VAV3: variants seen among roughly 807,000 people sequenced by gnomAD.
VAV3 encodes the protein vav guanine nucleotide exchange factor 3, also known as guanine nucleotide exchange factor VAV3.
Under a neutral mutation model 131.2 loss-of-function variants are expected in VAV3, and 94 were observed. That is an observed-to-expected ratio of 0.72 (90% CI 0.61 to 0.85). The LOEUF is 0.85. Among genes scored for constraint, VAV3 ranks in the 40% least tolerant of loss-of-function variants. The probability of loss-of-function intolerance (pLI) is 0.00; values close to 1 mark genes in which losing one functional copy is unlikely to be tolerated. For synonymous variants in VAV3, 349 were observed against 342.0 expected, an observed-to-expected ratio of 1.02 and a Z score of -0.22; for missense variants, 939 against 1,002.7, an observed-to-expected ratio of 0.94 and a Z score of 0.86.
chr1:107,744,074 C>T (rs1274395047), intron 15 of VAV3, among the ~76,000 whole-genome samples: 4 of 152,180 alleles, frequency 2.6e-5, no homozygotes, highest in Non-Finnish European at 5.9e-5. Flanking sequence ...TCTCAGGGCT[C>T]ATTCTGGGAA....
At chr1:107,597,974 C>G (rs1240494584) in intron 24 of VAV3, among the ~76,000 whole-genome samples, 1 of 152,154 alleles carries the variant, frequency 6.6e-6, no homozygotes, top group Admixed American at 6.5e-5. Flanking sequence ...TGAACTTAGG[C>G]AAAGTCACAT....
intron 19 of VAV3, among the ~76,000 whole-genome samples, chr1:107,664,431 A>G (rs1355168765): frequency 6.6e-6 from 1 of 151,964 alleles, no homozygotes; most frequent in South Asian, 2.1e-4. Flanking sequence ...GTTCCTACTT[A>G]TAAGTGAGAA....
intron 11 of VAV3, among the ~76,000 whole-genome samples, 190 bp from the exon 12 acceptor site, chr1:107,755,703 CAGCTGGGAAGACTGAAG>C (rs1429125379): frequency 9.9e-5 from 15 of 152,084 alleles, no homozygotes; most frequent in African/African-American, 3.4e-4. Context: ...GTCTGAAGTA[CAGCTGGGAAGACTGAAG>C]AGCTGTCATT....
intron 12 of VAV3, among the ~76,000 whole-genome samples, chr1:107,753,493 T>C (rs866398333): frequency 1.8e-5 from 2 of 111,610 alleles, no homozygotes; most frequent in Admixed American, 9.3e-5. Context: ...TGTATATATA[T>C]ACACACATAT....
At chr1:107,960,080 T>C (rs1194666357) in intron 1 of VAV3, among the ~76,000 whole-genome samples, 14 of 152,226 alleles carry the variant, frequency 9.2e-5, no homozygotes, top group Admixed American at 9.2e-4. Context: ...AAAGCCGCCA[T>C]CATCTCTTGC....
intron 15 of VAV3, among the ~76,000 whole-genome samples, chr1:107,727,075 G>C (rs1661889205): frequency 6.6e-6 from 1 of 152,202 alleles, no homozygotes; most frequent in Non-Finnish European, 1.5e-5. Context: ...CATTATTTTT[G>C]TATCACAATT....
At chr1:107,700,964 T>C (rs1309574630) in intron 17 of VAV3, among the ~76,000 whole-genome samples, 1 of 152,206 alleles carries the variant, frequency 6.6e-6, no homozygotes, top group African/African-American at 2.4e-5. Context: ...CAGCATCTAT[T>C]GTTTCTTGAC....
Position 107,766,576 on chromosome 1 carries a change from G to A in VAV3, c.718-26C>T, listed in dbSNP as rs768366616. ...CTAAGAAAAGAAAACAATGTGAAAG[G>A]AAAGTAGGAATAACAACCAAAAAAT... On this transcript the variant is annotated intron_variant, in intron 7 of 26. Transcript: ENST00000370056. The A allele has an allele frequency of 3.2e-6, 5 of 1,585,852 alleles. No individual in the cohort carries two copies. In the South Asian group the frequency reaches 5.6e-5, roughly 18 times the overall value.
chr1:107,696,661 T>C (rs1425424622), intron 17 of VAV3, among the ~76,000 whole-genome samples: 1 of 152,166 alleles, frequency 6.6e-6, no homozygotes, highest in Non-Finnish European at 1.5e-5. Context: ...TGATTTAATA[T>C]TAAGGGGGGG....
chr1:107,748,982 C>A lies in VAV3; in HGVS notation c.1488G>T (p.Gln496His). Reference protein sequence around the residue: ...TKDLKKKWLEQFEMALSNIRP... With the variant: ...TKDLKKKWLEHFEMALSNIRP... ...GAAATACTCACAAAGCCATTTCAAA[C>A]TGTTCTAGCCATTTCTTCTTTAAAT... The change falls in exon 15 of 27, where the codon CAG becomes CAT. Residue 496 changes from glutamine to histidine, a missense_variant. Transcript: ENST00000370056. The A allele has an allele frequency of 6.2e-7, 1 of 1,600,546 alleles. No homozygotes were observed. The highest frequency in any genetic ancestry group is 8.5e-7 in the Non-Finnish European group (1 of 1,174,914).
At chr1:107,588,074 G>T (rs1203740947) in intron 25 of VAV3, among the ~76,000 whole-genome samples, 1 of 152,214 alleles carries the variant, frequency 6.6e-6, no homozygotes, top group Non-Finnish European at 1.5e-5. Context: ...GCCATATTCT[G>T]AAGGGATCCT....
intron 1 of VAV3, among the ~76,000 whole-genome samples, chr1:107,934,020 G>A (rs114475452): frequency 0.011 from 1,692 of 152,196 alleles, 16 homozygotes; most frequent in Non-Finnish European, 0.014. Context: ...GGCCAGCTTT[G>A]TTGAATGCAA....
At chr1:107,804,500 C>A (rs1229224727) in intron 2 of VAV3, among the ~76,000 whole-genome samples, 1 of 148,720 alleles carries the variant, frequency 6.7e-6, no homozygotes, top group Non-Finnish European at 1.5e-5. Context: ...TCACAGATCA[C>A]CCCAAAAAAG....
Position 107,749,512 on chromosome 1 carries a change from G to A in VAV3, c.1342C>T (p.Gln448Ter), listed in dbSNP as rs777135549. ...NYEMKEIIDL[Q>*]QYKIANNPTT... ...GGATTATTGGCTATCTTGTACTGCT[G>A]AAGATCTATTATTTCCTTCATTTCA... Residue 448 changes from glutamine (Q) to a stop codon, truncating the protein, a stop_gained, in exon 14 of 27, where the codon CAG (glutamine) becomes TAG (stop). Transcript: ENST00000370056. LOFTEE classifies it high-confidence loss of function. 2 of 1,611,676 alleles carry A rather than the reference G, an allele frequency of 1.2e-6. No individual in the cohort carries two copies. The highest frequency in any genetic ancestry group is 1.7e-6 in the Non-Finnish European group (2 of 1,179,248).
At chr1:107,780,961 T>G (rs1665653896) in intron 2 of VAV3, among the ~76,000 whole-genome samples, 1 of 152,144 alleles carries the variant, frequency 6.6e-6, no homozygotes, top group Non-Finnish European at 1.5e-5. Context: ...TAAATTAAGG[T>G]AATCTAATTC....
chr1:107,641,437 T>A (rs1422901965), intron 20 of VAV3, among the ~76,000 whole-genome samples: 1 of 152,184 alleles, frequency 6.6e-6, no homozygotes, highest in African/African-American at 2.4e-5. Flanking sequence ...AATTCTTTCC[T>A]CAACATCATT....
chr1:107,632,690 A>T (rs1178330456), intron 20 of VAV3, among the ~76,000 whole-genome samples: 1 of 152,228 alleles, frequency 6.6e-6, no homozygotes, highest in Non-Finnish European at 1.5e-5. Flanking sequence ...CAGGAGACCT[A>T]ATGTCAAACC....
intron 19 of VAV3, chr1:107,668,556 A>G: frequency 2.3e-6 from 2 of 869,674 alleles, no homozygotes; most frequent in Non-Finnish European, 2.8e-6. Context: ...ATGCTGATTG[A>G]CATATAAATC....
intron 1 of VAV3, among the ~76,000 whole-genome samples, chr1:107,953,496 T>C (rs532186412): frequency 1.3e-5 from 2 of 152,348 alleles, no homozygotes; most frequent in South Asian, 4.1e-4. Context: ...TTCTGCCTGA[T>C]CCCTGATCAT....
Sources: gnomAD v4.1 joint callset for allele counts (sites outside exome capture counted in the v4.1 genomes callset) on GRCh38, gnomAD v4.1.1 for gene constraint, MANE v1.5 for transcripts, NCBI Gene and HGNC (gene_info 2026-07-23, HGNC 2026-07-21) for gene names.